The following FBXW11 variants were observed in gnomAD, a reference collection of about 807,000 sequenced individuals.
FBXW11 encodes F-box/WD repeat-containing protein 11.
FBXW11 carries 19 observed loss-of-function variants against 77.6 expected under a neutral mutation model. The ratio of observed to expected loss-of-function variants is 0.24; its 90% confidence interval spans 0.17 to 0.36. FBXW11 has a LOEUF of 0.36. Among genes scored for constraint, FBXW11 ranks in the 10% least tolerant of loss-of-function variants. The pLI is 1.00. For missense variants in FBXW11, 334 were observed against 704.2 expected (o/e 0.47, Z 5.95); for synonymous variants, 235 against 249.4 (o/e 0.94, Z 0.54).
chr5:172,005,694 G>A lies in FBXW11; in HGVS notation c.45+764C>T, dbSNP rs373664996. On this transcript the variant is annotated intron_variant, in intron 1 of 13. Transcript: ENST00000517395. The stretch of plus-strand genomic sequence containing the variant: ...AGAAGAAAGACCTCGCGGCAGTGAT[G>A]AGGATGGCTCCCTCCCCAGTCATCT... 1.2e-4 allele frequency among the ~76,000 whole-genome samples: 18 copies of A among 152,020 alleles called. 1 individual carries two copies. In the East Asian group the frequency reaches 3.1e-3, roughly 26 times the overall value.
chr5:171,992,440 A>G (rs1220631936), intron 1 of FBXW11, among the ~76,000 whole-genome samples: 2 of 151,510 alleles, frequency 1.3e-5, no homozygotes, highest in Middle Eastern at 3.4e-3. Flanking sequence ...AAAAGAGAGA[A>G]AGGGGGAGAG....
chr5:172,006,636 G>C lies in FBXW11; in HGVS notation c.-134C>G, dbSNP rs1194391628. Reference sequence around the variant, plus strand: ...TAGCTGCCAGCCCGCCCGGGCCGCCGGCAGCTCCGCCCTCCCCCTCGGCGA... The same window carrying C: ...TAGCTGCCAGCCCGCCCGGGCCGCCCGCAGCTCCGCCCTCCCCCTCGGCGA... On this transcript the variant is annotated 5_prime_UTR_variant, in exon 1 of 14. Coordinates refer to ENST00000517395, the MANE Select transcript of FBXW11 (RefSeq NM_001378974.1). 2.3e-6 allele frequency: 3 copies of C among 1,298,316 alleles called. No homozygotes were observed. Among genetic ancestry groups the C allele is most frequent in the East Asian group, 3.2e-5 (1 of 31,390 alleles). The allele number at this position is 1,298,316 out of a possible 1,614,324, so 80.4% of individuals were successfully genotyped here. A position where few individuals can be genotyped will look rare whatever the true frequency, so the allele number is the denominator to read the frequency against.
At chr5:171,964,259 C>T (rs1764065829) in intron 1 of FBXW11, among the ~76,000 whole-genome samples, 1 of 152,194 alleles carries the variant, frequency 6.6e-6, no homozygotes. Context: ...CCAGGCCCTA[C>T]TGATAGAATA....
At chr5:171,928,865 G>C (rs1427502622) in intron 2 of FBXW11, among the ~76,000 whole-genome samples, 1 of 152,096 alleles carries the variant, frequency 6.6e-6, no homozygotes, top group Non-Finnish European at 1.5e-5. Flanking sequence ...TTGAGGTCAG[G>C]AGTTCAAGAC....
In FBXW11 at chr5:171,869,040, T is replaced by C. The variant is rs970272742; in HGVS notation, c.1531-244A>G. Among the ~76,000 whole-genome samples the C allele has an allele frequency of 6.6e-6, 1 of 152,148 alleles. No homozygotes were observed. On this transcript the variant is annotated intron_variant, in intron 12 of 13. Coordinates refer to ENST00000517395, the MANE Select transcript of FBXW11 (RefSeq NM_001378974.1). The surrounding 1 kb of genome is among the most constrained non-coding windows in gnomAD (Gnocchi z 4.1). ...TAGTCTACCAATATTTCAAAGATCA[T>C]CTCAAAAAGGGCCTTATAAAAGTAA...
intron 6 of FBXW11, among the ~76,000 whole-genome samples, chr5:171,893,434 A>C (rs867012350): frequency 7.0e-6 from 1 of 143,794 alleles, no homozygotes; most frequent in Admixed American, 7.0e-5. Flanking sequence ...AAAAAAAAAA[A>C]AAAAAAAAAA....
At chr5:171,976,252 T>C (rs1289763689) in intron 1 of FBXW11, among the ~76,000 whole-genome samples, 1 of 152,092 alleles carries the variant, frequency 6.6e-6, no homozygotes, top group Non-Finnish European at 1.5e-5. Flanking sequence ...CTGAAAGAAG[T>C]TTCTGATGCC....
intron 7 of FBXW11, 22 bp downstream of exon 7, chr5:171,891,445 C>G: frequency 4.5e-6 from 7 of 1,558,112 alleles, no homozygotes; most frequent in Non-Finnish European, 6.1e-6. Context: ...AAAAATAATA[C>G]ATAAAAAATT....
At chr5:171,996,404 T>C (rs1396564035) in intron 1 of FBXW11, among the ~76,000 whole-genome samples, 1 of 152,208 alleles carries the variant, frequency 6.6e-6, no homozygotes, top group Non-Finnish European at 1.5e-5. Flanking sequence ...TGGTGGCTCA[T>C]GTCTGTAATC....
chr5:171,977,537 T>C (rs1392058332), intron 1 of FBXW11: 6 of 438,592 alleles, frequency 1.4e-5, no homozygotes, highest in African/African-American at 1.0e-4. Context: ...TAGCAGGGGA[T>C]TACGCAATAC....
chr5:171,900,853 A>C (rs1222922175), intron 4 of FBXW11, among the ~76,000 whole-genome samples: 1 of 152,122 alleles, frequency 6.6e-6, no homozygotes. Context: ...ATACAAGGAT[A>C]CTCTCAAAGA....
At chr5:171,942,391 C>T (rs1184968758) in intron 2 of FBXW11, among the ~76,000 whole-genome samples, 3 of 152,140 alleles carry the variant, frequency 2.0e-5, no homozygotes, top group South Asian at 4.1e-4. Flanking sequence ...GGGACTTCCA[C>T]GACCTTGACA....
chr5:171,958,555 ATGAC>A (rs1453602324), intron 1 of FBXW11, among the ~76,000 whole-genome samples: 1 of 152,222 alleles, frequency 6.6e-6, no homozygotes, highest in Non-Finnish European at 1.5e-5. Context: ...TCCGTCTGAC[ATGAC>A]TAAGAATTAA....
intron 1 of FBXW11, among the ~76,000 whole-genome samples, chr5:171,959,423 G>A (rs1438546807): frequency 2.6e-5 from 4 of 152,022 alleles, no homozygotes. Flanking sequence ...TGTAAAATAG[G>A]TATTATTCCA....
intron 1 of FBXW11, among the ~76,000 whole-genome samples, chr5:171,973,684 A>G (rs1424606880): frequency 6.6e-6 from 1 of 152,248 alleles, no homozygotes; most frequent in East Asian, 1.9e-4. Context: ...ATAATAATGC[A>G]TCAATACTGG....
In FBXW11 at chr5:172,006,609, T is replaced by A; in HGVS notation, c.-107A>T. 8 of 1,320,696 alleles carry A rather than the reference T, an allele frequency of 6.1e-6. No individual in the cohort carries two copies. The South Asian group carries it at 1.2e-4, about 20-fold the overall frequency. The allele number at this position is 1,320,696 out of a possible 1,614,324, so 81.8% of individuals were successfully genotyped here. ...AGGCGGAGGCGGCTATCGCACCCAC[T>A]CTAGCTGCCAGCCCGCCCGGGCCGC... On this transcript the variant is annotated 5_prime_UTR_variant, in exon 1 of 14. Coordinates refer to ENST00000517395, the MANE Select transcript of FBXW11 (RefSeq NM_001378974.1).
At chr5:171,908,135 GATGCAGTCTGA>G (rs1401613075) in intron 4 of FBXW11, among the ~76,000 whole-genome samples, 1 of 152,138 alleles carries the variant, frequency 6.6e-6, no homozygotes, top group Non-Finnish European at 1.5e-5. Flanking sequence ...CTTGGTGTGA[GATGCAGTCTGA>G]TTCTATAGGT....
intron 1 of FBXW11, among the ~76,000 whole-genome samples, chr5:171,994,719 C>T (rs1284540577): frequency 5.9e-5 from 9 of 152,120 alleles, no homozygotes; most frequent in Admixed American, 4.6e-4. Context: ...CCACCACCAC[C>T]ACCACCACCA....
At chr5:171,906,820 C>A (rs1760558827) in intron 4 of FBXW11, among the ~76,000 whole-genome samples, 1 of 152,160 alleles carries the variant, frequency 6.6e-6, no homozygotes, top group Non-Finnish European at 1.5e-5. Flanking sequence ...GTGTACCCAT[C>A]CTAAAGCCTT....
Sources: allele counts gnomAD v4.1 joint callset (sites outside exome capture counted in the v4.1 genomes callset), GRCh38; gene constraint gnomAD v4.1.1; non-coding constraint Gnocchi (gnomAD v3.1); transcripts MANE v1.5; gene names NCBI Gene and HGNC (gene_info 2026-07-23, HGNC 2026-07-21).